The following KTN1 variants were observed in gnomAD, a reference collection of about 807,000 sequenced individuals.
KTN1 encodes kinectin 1.
Under a neutral mutation model 222.5 loss-of-function variants are expected in KTN1, and 130 were observed. That is an observed-to-expected ratio of 0.58 (90% confidence interval 0.51 to 0.68). The LOEUF (loss-of-function observed/expected upper bound fraction) is 0.68, where lower values mean the gene tolerates loss of function less well. KTN1 is among the 30% of genes least tolerant of loss of function. The pLI, the probability that KTN1 is intolerant of heterozygous loss-of-function variation, is 0.00. For synonymous variants in KTN1, 512 were observed against 496.3 expected (o/e 1.03, Z -0.42); for missense variants, 1,508 against 1,500.4 (o/e 1.01, Z -0.08).
intron 9 of KTN1, 68 bp downstream of exon 9, chr14:55,634,726 G>T: frequency 7.3e-7 from 1 of 1,368,212 alleles, no homozygotes; most frequent in Non-Finnish European, 9.9e-7. Flanking sequence ...TTTTCATACT[G>T]GTATGAAGAA....
intron 40 of KTN1, chr14:55,675,085 C>G (rs963213532): frequency 1.3e-5 from 2 of 152,172 alleles, no homozygotes; most frequent in Admixed American, 6.5e-5. Flanking sequence ...TGTCTTTCCC[C>G]CTTTGGGCCT....
At chr14:55,584,647 G>T (rs79538158) in intron 1 of KTN1, among the ~76,000 whole-genome samples, 9,188 of 152,140 alleles carry the variant, frequency 0.06, 382 homozygotes, top group South Asian at 0.09. Context: ...TTTCTTTATA[G>T]CATTTGTCAC....
chr14:55,659,189 T>A lies in KTN1; in HGVS notation c.2962-477T>A, dbSNP rs552938244. On this transcript the variant is annotated intron_variant, in intron 30 of 43. Transcript: ENST00000395314. ...TGCAAACAAGAAGCTTGAGAGATTA[T>A]TGTCACCAAGGAATAAATACCATAT... Among the ~76,000 whole-genome samples, 33 of 152,272 alleles carry A rather than the reference T, an allele frequency of 2.2e-4. No individual in the cohort carries two copies. The South Asian group carries it at 6.8e-3, about 32-fold the overall frequency.
chr14:55,658,111 A>G (rs983427450), intron 29 of KTN1, among the ~76,000 whole-genome samples: 9 of 152,140 alleles, frequency 5.9e-5, no homozygotes, highest in Admixed American at 3.9e-4. Flanking sequence ...GACATTTGTC[A>G]ATATCTGAAG....
At chr14:55,680,433 T>G (rs1004776820) in intron 43 of KTN1, 2 of 167,920 alleles carry the variant, frequency 1.2e-5, no homozygotes, top group African/African-American at 4.8e-5. Flanking sequence ...TAAGTCACAC[T>G]GCCTAGAGTG....
intron 1 of KTN1, chr14:55,601,716 T>G (rs917783980): frequency 6.6e-6 from 1 of 152,220 alleles, no homozygotes; most frequent in African/African-American, 2.4e-5. Flanking sequence ...GAGCCTATTT[T>G]CTTGTGTTTT....
At position 55,666,475 on chromosome 14, in the gene KTN1, C is replaced by T. The variant is rs114681685; in HGVS notation, c.3178-766C>T. On this transcript the variant is annotated intron_variant, in intron 33 of 43. Transcript: ENST00000395314. The stretch of plus-strand genomic sequence containing the variant: ...AAATGTTACATTTTTGTTTTTGGTG[C>T]GTGATAAGTCATTACCCTAATTTTG... 6.5e-3 allele frequency among the ~76,000 whole-genome samples: 974 copies of T among 150,216 alleles called. 6 individuals are homozygous for T. The highest frequency in any genetic ancestry group is 0.023 in the African/African-American group (926 of 40,932).
At chr14:55,662,833 A>G (rs2044294489) in intron 32 of KTN1, 2 of 455,696 alleles carry the variant, frequency 4.4e-6, no homozygotes, top group Non-Finnish European at 8.8e-6. Context: ...CTTAGCCACA[A>G]AACTTGAGGT....
chr14:55,653,617 C>A, intron 28 of KTN1, 21 bp downstream of exon 28: 1 of 1,579,082 alleles, frequency 6.3e-7, no homozygotes, highest in Non-Finnish European at 8.7e-7. Context: ...TTTAAGACCA[C>A]ATTTTGAAGA....
At position 55,621,877 on chromosome 14, in the gene KTN1, C is replaced by T. The variant is rs1402977980; in HGVS notation, c.963+2565C>T. 4.8e-5 allele frequency among the ~76,000 whole-genome samples: 6 copies of T among 125,032 alleles called. No homozygotes were observed. In the Admixed American group the frequency reaches 5.8e-4, roughly 12 times the overall value. 82.0% of individuals were successfully genotyped at this position (125,032 alleles called of 152,430 possible). A position where few individuals can be genotyped will look rare whatever the true frequency, so the allele number is the denominator to read the frequency against. On this transcript the variant is annotated intron_variant, in intron 5 of 43. Coordinates refer to ENST00000395314, the MANE Select transcript of KTN1 (RefSeq NM_001079521.2). ...TTTTTTTTTTTTTTTGAGACAGAGTCTTGCTCTGTTGCCCAGGCTGGAGTG... is the reference window on the plus strand; with the variant it reads ...TTTTTTTTTTTTTTTGAGACAGAGTTTTGCTCTGTTGCCCAGGCTGGAGTG...
chr14:55,596,271 A>G (rs2035024061), intron 1 of KTN1, among the ~76,000 whole-genome samples: 1 of 152,080 alleles, frequency 6.6e-6, no homozygotes, highest in Non-Finnish European at 1.5e-5. Context: ...TAAATTCATC[A>G]ATTTTAATTT....
chr14:55,661,807 T>G (rs2044175164), intron 32 of KTN1, 195 bp downstream of exon 32: 1 of 379,270 alleles, frequency 2.6e-6, no homozygotes, highest in Non-Finnish European at 4.7e-6. Flanking sequence ...AGTGAAAAGA[T>G]GAATTCTTAT....
chr14:55,639,170 A>AT lies in KTN1; in HGVS notation c.1786-10dup. The AT allele has an allele frequency of 1.3e-6, 2 of 1,575,790 alleles. No homozygotes were observed. Among genetic ancestry groups the AT allele is most frequent in the Non-Finnish European group, 1.7e-6 (2 of 1,146,092 alleles). The stretch of plus-strand genomic sequence containing the variant: ...TCTTAAATACTTTTATGTTGACACT[A>AT]TTTTTCTTTCTTAGACCTCCGCTTC... On this transcript the variant is annotated splice_polypyrimidine_tract_variant and intron_variant, in intron 12 of 43. Transcript: ENST00000395314.
At chr14:55,609,154 C>A (rs953318079) in intron 1 of KTN1, among the ~76,000 whole-genome samples, 6 of 152,048 alleles carry the variant, frequency 3.9e-5, no homozygotes, top group Non-Finnish European at 8.8e-5. Context: ...CTCCTCTCAG[C>A]CCCCACCCGC....
At chr14:55,651,479 CAGT>C in intron 24 of KTN1, 1 of 424,240 alleles carries the variant, frequency 2.4e-6, no homozygotes, top group Non-Finnish European at 4.6e-6. Flanking sequence ...AGCTCTGATA[CAGT>C]AGGGAGGTGT....
chr14:55,679,669 G>A lies in KTN1; in HGVS notation c.4053G>A (p.Glu1351=), dbSNP rs1398788978. The part of the protein sequence containing the change: ...AVNQQLTKEK[E]HYQVLE ...ACCAACAGCTCACAAAGGAGAAAGA[G>A]CACTACCAGGTGTTAGGTAAGGACA... The change falls in exon 43 of 44, where the codon GAG becomes GAA. Residue 1351 remains glutamate, a synonymous_variant. Coordinates refer to ENST00000395314, the MANE Select transcript of KTN1 (RefSeq NM_001079521.2). 5 of 1,613,790 alleles carry A rather than the reference G, an allele frequency of 3.1e-6. No individual in the cohort carries two copies. Among genetic ancestry groups the A allele is most frequent in the Non-Finnish European group, 4.2e-6 (5 of 1,179,850 alleles).
At chr14:55,610,223 A>G (rs1022791534) in intron 1 of KTN1, among the ~76,000 whole-genome samples, 1 of 152,216 alleles carries the variant, frequency 6.6e-6, no homozygotes, top group Non-Finnish European at 1.5e-5. Flanking sequence ...GATTGGCTTC[A>G]GGACCCCTGT....
intron 42 of KTN1, chr14:55,679,312 T>C: frequency 2.8e-6 from 1 of 353,850 alleles, no homozygotes; most frequent in South Asian, 7.2e-5. Context: ...TATTCATAGA[T>C]TCTAGATTTT....
rs2043081241 is a variant in KTN1 at position 55,652,839 on chromosome 14, T to A, written c.2604-11T>A. 6.5e-7 allele frequency: 1 copy of A among 1,532,624 alleles called. No homozygotes were observed. The highest frequency in any genetic ancestry group is 1.4e-5 in the African/African-American group (1 of 71,854). The allele number at this position is 1,532,624 out of a possible 1,614,324, so 94.9% of individuals were successfully genotyped here. A position where few individuals can be genotyped will look rare whatever the true frequency, so the allele number is the denominator to read the frequency against. On this transcript the variant is annotated splice_polypyrimidine_tract_variant and intron_variant, in intron 25 of 43. Transcript: ENST00000395314. ...CATTTTCATTTAGAGTTCTGATTAATTTATTATCAGATTAAAAGGAAAAGA... is the reference window on the plus strand; with the variant it reads ...CATTTTCATTTAGAGTTCTGATTAAATTATTATCAGATTAAAAGGAAAAGA...
Sources: allele counts gnomAD v4.1 joint callset (sites outside exome capture counted in the v4.1 genomes callset), GRCh38; gene constraint gnomAD v4.1.1; transcripts MANE v1.5; gene names NCBI Gene and HGNC (gene_info 2026-07-23, HGNC 2026-07-21).